Variants in COL6A1 observed in about 807,000 individuals in gnomAD.
COL6A1 encodes collagen type VI alpha 1 chain, also known as collagen alpha-1(VI) chain.
A neutral mutation model predicts 145.6 loss-of-function variants in COL6A1; 80 were observed. The observed-to-expected ratio is 0.55, with a 90% CI of 0.46 to 0.66. The LOEUF (loss-of-function observed/expected upper bound fraction) is 0.66. Ranked by LOEUF, COL6A1 falls within the 30% of genes least tolerant of loss-of-function variation. COL6A1 has a pLI of 0.00. For missense variants in COL6A1, 1,364 were observed against 1,473.8 expected, an observed-to-expected ratio of 0.93 and a Z score of 1.22; for synonymous variants, 638 against 622.8, an observed-to-expected ratio of 1.02 and a Z score of -0.36.
Position 45,997,347 on chromosome 21 carries a change from C to T in COL6A1, c.1399-74C>T, listed in dbSNP as rs1027792668. On this transcript the variant is annotated intron_variant, in intron 20 of 34. Transcript: ENST00000361866. The stretch of plus-strand genomic sequence containing the variant: ...CCCTGATGCCTCTTGGTCTGAGACC[C>T]TCAGCTTAGGGTCAGGGAGGGCTCA... The T allele has an allele frequency of 1.1e-5, 16 of 1,437,492 alleles. No individual in the cohort carries two copies. In the Admixed American group the frequency reaches 1.2e-4, roughly 11 times the overall value. 89.0% of individuals were successfully genotyped at this position (1,437,492 alleles called of 1,614,324 possible). A position where few individuals can be genotyped will look rare whatever the true frequency, so the allele number is the denominator to read the frequency against.
Position 46,004,548 on chromosome 21 carries a change from T to A in COL6A1, c.*535T>A. The A allele has an allele frequency of 3.1e-6, 1 of 317,604 alleles. No homozygotes were observed. The highest frequency in any genetic ancestry group is 2.3e-5 in the South Asian group (1 of 42,852). 19.7% of individuals were successfully genotyped at this position (317,604 alleles called of 1,614,324 possible). A position where few individuals can be genotyped will look rare whatever the true frequency, so the allele number is the denominator to read the frequency against. ...CCTCACCTAACAGTTACTTTACAAT[T>A]AAACTCAAAGCAAGCTCTTCTCCTC... is the stretch of plus-strand genomic sequence containing the variant. On this transcript the variant is annotated 3_prime_UTR_variant, in exon 35 of 35. Coordinates refer to ENST00000361866, the MANE Select transcript of COL6A1 (RefSeq NM_001848.3).
chr21:45,997,283 T>A, intron 20 of COL6A1, 138 bp from the exon 21 acceptor site: 1 of 804,152 alleles, frequency 1.2e-6, no homozygotes, highest in Non-Finnish European at 2.2e-6. Flanking sequence ...GGCCTGGCTC[T>A]CCCCCTGCAC....
rs1305504243 is a variant in COL6A1, at chr21:45,981,855, G to A, written c.5G>A (p.Arg2Lys). M[R>K]AARALLPLLL... ...TGGTGACCGCAGGCCCCAGACATGA[G>A]GGCGGCCCGTGCTCTGCTGCCCCTG... Residue 2 changes from arginine (R) to lysine (K), a missense_variant, in exon 1 of 35, where the codon AGG becomes AAG. Transcript: ENST00000361866. The A allele has an allele frequency of 4.4e-6, 7 of 1,586,558 alleles. No homozygotes were observed. Among genetic ancestry groups the A allele is most frequent in the Non-Finnish European group, 5.1e-6 (6 of 1,168,944 alleles).
At chr21:45,984,013 C>T (rs1423587753) in intron 2 of COL6A1, among the ~76,000 whole-genome samples, 1 of 152,236 alleles carries the variant, frequency 6.6e-6, no homozygotes, top group Non-Finnish European at 1.5e-5. Flanking sequence ...CCAAGGACCC[C>T]ACCCCAGCAG....
chr21:46,001,837 C>A, intron 30 of COL6A1, 124 bp from the exon 31 acceptor site: 1 of 794,784 alleles, frequency 1.3e-6, no homozygotes, highest in Non-Finnish European at 2.1e-6. Flanking sequence ...GCAGGGGACC[C>A]AGGTCCTGAG....
At chr21:46,000,649 G>A (rs2077838565) in intron 28 of COL6A1, 110 bp from the exon 29 acceptor site, 1 of 1,282,250 alleles carries the variant, frequency 7.8e-7, no homozygotes, top group Non-Finnish European at 1.1e-6. Context: ...GGAGGCCGGG[G>A]AAGGAGGGCG....
chr21:45,998,512 A>G, intron 24 of COL6A1, 79 bp downstream of exon 24: 1 of 1,581,518 alleles, frequency 6.3e-7, no homozygotes, highest in Non-Finnish European at 8.7e-7. Flanking sequence ...GTGAACACAC[A>G]TGTGCACACA....
Position 45,999,669 on chromosome 21 carries a change from C to T in COL6A1, c.1753C>T (p.His585Tyr). Residue 585 changes from histidine (H) to tyrosine (Y), a missense_variant, in exon 27 of 35, where the codon CAC becomes TAC. This residue lies in a region of COL6A1 where 938 missense variants were observed against 1,003.8 expected (regional missense o/e 0.93). Transcript: ENST00000361866. Reference protein sequence around the residue: ...GPEGPQGPPGHQGPPGPDECE... With the variant: ...GPEGPQGPPGYQGPPGPDECE... The stretch of plus-strand genomic sequence containing the variant: ...GTTTCTCGGACAGGGACCCCCAGGA[C>T]ACCAAGGACCGCCTGGGCCGGACGT... 6.2e-7 allele frequency: 1 copy of T among 1,613,486 alleles called. No homozygotes were observed. Among genetic ancestry groups the T allele is most frequent in the Non-Finnish European group, 8.5e-7 (1 of 1,179,908 alleles).
Position 45,992,205 on chromosome 21 carries a change from G to A in COL6A1, c.1224G>A (p.Glu408=), listed in dbSNP as rs772775334. ...CTGGGCCCCCCGGAGAGAAAGGAGA[G>A]GCGGGCGACGAGGTGAGTGAGGGCT... ...GEPGPPGEKG[E]AGDEGNPGPD... Residue 408 remains glutamate, a synonymous_variant, in exon 17 of 35, where the codon GAG becomes GAA. Coordinates refer to ENST00000361866, the MANE Select transcript of COL6A1 (RefSeq NM_001848.3). The A allele has an allele frequency of 6.2e-7, 1 of 1,613,652 alleles. No homozygotes were observed. Among genetic ancestry groups the A allele is most frequent in the East Asian group, 2.2e-5 (1 of 44,878 alleles).
chr21:45,999,702 G>T lies in COL6A1; in HGVS notation c.1776+10G>T. ...ACCGCCTGGGCCGGACGTAAGTGGG[G>T]CTCTGTGAACATTGCTGGGGGCGAC... On this transcript the variant is annotated intron_variant, in intron 27 of 34. Transcript: ENST00000361866. 3.1e-6 allele frequency: 5 copies of T among 1,611,668 alleles called. No homozygotes were observed. Among genetic ancestry groups the T allele is most frequent in the Non-Finnish European group, 4.2e-6 (5 of 1,179,272 alleles).
rs1048117283 is a variant in COL6A1 at position 45,998,560 on chromosome 21, C to T, written c.1611+127C>T. 2.3e-5 allele frequency: 30 copies of T among 1,288,620 alleles called. No homozygotes were observed. The South Asian group carries it at 2.5e-4, about 11-fold the overall frequency. 79.8% of individuals were successfully genotyped at this position (1,288,620 alleles called of 1,614,324 possible). Reference sequence around the variant, plus strand: ...AACACACGGGGTACACAGGCACCCACGGCTGCCCCACTGTCTGTGGCCACA... The same window carrying T: ...AACACACGGGGTACACAGGCACCCATGGCTGCCCCACTGTCTGTGGCCACA... On this transcript the variant is annotated intron_variant, in intron 24 of 34. Coordinates refer to ENST00000361866, the MANE Select transcript of COL6A1 (RefSeq NM_001848.3).
At position 46,001,260 on chromosome 21, in the gene COL6A1, G is replaced by T. The variant is rs1355588311; in HGVS notation, c.1830G>T (p.Lys610Asn). 4.4e-6 allele frequency: 7 copies of T among 1,608,170 alleles called. No homozygotes were observed. The highest frequency in any genetic ancestry group is 5.9e-6 in the Non-Finnish European group (7 of 1,179,594). ...IMKMCSCCEC[K>N]CGPIDLLFVL... ...CACCGCCCCCGCCTGCAGAATGCAA[G>T]TGCGGCCCCATCGACCTCCTGTTCG... The change falls in exon 30 of 35, where the codon AAG becomes AAT. Residue 610 changes from lysine (K) to asparagine (N), a missense_variant. Lys to Asn is a moderately conservative substitution (Grantham distance 94). Around this residue, in one of 3 missense-constraint regions of COL6A1, gnomAD observed 938 missense variants for 1,003.8 expected, o/e 0.93. Transcript: ENST00000361866.
chr21:45,987,145 C>A lies in COL6A1; in HGVS notation c.718-10C>A. ...GGAAAGTAATTCTGCGTTTCCATTT[C>A]TCTTTCCAGAAAAATAACGTGGAGC... is the stretch of plus-strand genomic sequence containing the variant. On this transcript the variant is annotated splice_polypyrimidine_tract_variant and intron_variant, in intron 5 of 34. Coordinates refer to ENST00000361866, the MANE Select transcript of COL6A1 (RefSeq NM_001848.3). 6.3e-7 allele frequency: 1 copy of A among 1,597,690 alleles called. No homozygotes were observed. Among genetic ancestry groups the A allele is most frequent in the South Asian group, 1.1e-5 (1 of 88,882 alleles).
At chr21:45,989,047 C>A in intron 8 of COL6A1, 37 bp from the exon 9 acceptor site, 1 of 1,603,728 alleles carries the variant, frequency 6.2e-7, no homozygotes, top group Non-Finnish European at 8.5e-7. Flanking sequence ...TAGAAAGAAA[C>A]GGGGCTGCCC....
chr21:45,990,435 A>AGAT lies in COL6A1; in HGVS notation c.1002+14_1002+16dup, dbSNP rs756336607. 12 of 775,416 alleles carry AGAT rather than the reference A, an allele frequency of 1.5e-5. No homozygotes were observed. The highest frequency in any genetic ancestry group is 3.3e-5 in the Admixed American group (1 of 30,764). The allele number at this position is 775,416 out of a possible 1,614,324, so 48.0% of individuals were successfully genotyped here. ...GGACGGCGTGAAGGTGACTGGGGGGAGATAGGATGGACGGGGAGGGACGAG... is the reference window on the plus strand; with the variant it reads ...GGACGGCGTGAAGGTGACTGGGGGGAGATGATAGGATGGACGGGGAGGGACGAG... On this transcript the variant is annotated intron_variant, in intron 13 of 34. Coordinates refer to ENST00000361866, the MANE Select transcript of COL6A1 (RefSeq NM_001848.3).
In COL6A1 at chr21:45,998,944, G is replaced by A. The variant is rs746962599; in HGVS notation, c.1659G>A (p.Gly553=). 4.9e-5 allele frequency: 76 copies of A among 1,554,710 alleles called. No homozygotes were observed. The highest frequency in any genetic ancestry group is 5.7e-5 in the Non-Finnish European group (66 of 1,148,670). ...TCAAGGGGGACGAGGGAGAAGCCGG[G>A]GACCCCGGAGACGATGTAAGTGTGG... The part of the protein sequence containing the change: ...PGLKGDEGEA[G]DPGDDNNDIA... Residue 553 remains glycine, a synonymous_variant, in exon 25 of 35, where the codon GGG becomes GGA. Transcript: ENST00000361866.
At position 46,004,764 on chromosome 21, in the gene COL6A1, G is replaced by A. The variant is rs914478491; in HGVS notation, c.*751G>A. 4.7e-6 allele frequency: 2 copies of A among 429,364 alleles called. No individual in the cohort carries two copies. Among genetic ancestry groups the A allele is most frequent in the Admixed American group, 2.5e-5 (1 of 39,758 alleles). The allele number at this position is 429,364 out of a possible 1,614,324, so 26.6% of individuals were successfully genotyped here. On this transcript the variant is annotated 3_prime_UTR_variant, in exon 35 of 35. Coordinates refer to ENST00000361866, the MANE Select transcript of COL6A1 (RefSeq NM_001848.3). ...CCCCGACCTCAGAGAGTACTCGCAG[G>A]GGCGCTGGCTGCACTCAAGACCCTC...
intron 8 of COL6A1, among the ~76,000 whole-genome samples, chr21:45,988,686 G>A (rs2077757237): frequency 6.6e-6 from 1 of 152,170 alleles, no homozygotes; most frequent in Admixed American, 6.5e-5. Context: ...GTTAGAATTA[G>A]CTGCTGATAA....
rs771345966 is a variant in COL6A1, at chr21:46,004,755, T to G, written c.*742T>G. The G allele has an allele frequency of 5.8e-5, 25 of 434,030 alleles. No individual in the cohort carries two copies. The highest frequency in any genetic ancestry group is 2.1e-4 in the South Asian group (13 of 61,572). 26.9% of individuals were successfully genotyped at this position (434,030 alleles called of 1,614,324 possible). A position where few individuals can be genotyped will look rare whatever the true frequency, so the allele number is the denominator to read the frequency against. Reference sequence around the variant, plus strand: ...CAGCACTGACCCCGACCTCAGAGAGTACTCGCAGGGGCGCTGGCTGCACTC... The same window carrying G: ...CAGCACTGACCCCGACCTCAGAGAGGACTCGCAGGGGCGCTGGCTGCACTC... On this transcript the variant is annotated 3_prime_UTR_variant, in exon 35 of 35. Coordinates refer to ENST00000361866, the MANE Select transcript of COL6A1 (RefSeq NM_001848.3).
Sources: gnomAD v4.1 joint callset for allele counts (sites outside exome capture counted in the v4.1 genomes callset) on GRCh38, gnomAD v4.1.1 for gene constraint, gnomAD v4.1.1 regional missense constraint, MANE v1.5 for transcripts, NCBI Gene and HGNC (gene_info 2026-07-23, HGNC 2026-07-21) for gene names.